AFAP1L2: variants seen among roughly 807,000 people sequenced by gnomAD.
The protein encoded by AFAP1L2 is actin filament-associated protein 1-like 2.
Under a neutral mutation model 99.3 loss-of-function variants are expected in AFAP1L2, and 46 were observed. The ratio of observed to expected loss-of-function variants is 0.46; its 90% CI spans 0.37 to 0.59. The LOEUF is 0.59. Ranked by LOEUF, AFAP1L2 falls within the 20% of genes least tolerant of loss-of-function variation. AFAP1L2 has a pLI of 0.00. For missense variants in AFAP1L2, 959 were observed against 1,034.9 expected (o/e 0.93, Z 1.01); for synonymous variants, 397 against 419.1 (o/e 0.95, Z 0.64).
At chr10:114,364,411 C>T (rs116033368) in intron 1 of AFAP1L2, among the ~76,000 whole-genome samples, 1,606 of 152,268 alleles carry the variant, frequency 0.011, 28 homozygotes, top group African/African-American at 0.036. Context: ...TGGGGAAGAA[C>T]CTTACTTGGC....
chr10:114,384,851 C>A (rs1176476133), intron 1 of AFAP1L2, among the ~76,000 whole-genome samples: 1 of 152,236 alleles, frequency 6.6e-6, no homozygotes, highest in African/African-American at 2.4e-5. Context: ...CCAAAGGCTC[C>A]AGGCCTGGTT....
chr10:114,327,137 T>TTATATA (rs1554902677), intron 4 of AFAP1L2, among the ~76,000 whole-genome samples: 1 of 39,948 alleles, frequency 2.5e-5, no homozygotes, highest in Non-Finnish European at 6.4e-5. Context: ...ACCGTGAATT[T>TTATATA]TATATATATT....
intron 1 of AFAP1L2, among the ~76,000 whole-genome samples, chr10:114,390,489 G>A (rs185553467): frequency 2.0e-5 from 3 of 152,274 alleles, no homozygotes; most frequent in East Asian, 3.9e-4. Flanking sequence ...TTGGGAGGCT[G>A]AGGCGGGCAG....
At chr10:114,289,513 C>T in the AFAP1L2 span, 21 of 1,611,710 alleles carry the variant, frequency 1.3e-5, no homozygotes, top group Non-Finnish European at 1.8e-5. Flanking sequence ...TCCACACCCT[C>T]AGGGCTGCCC....
chr10:114,345,789 G>T (rs1024731135), intron 1 of AFAP1L2, among the ~76,000 whole-genome samples: 1 of 152,274 alleles, frequency 6.6e-6, no homozygotes, highest in East Asian at 1.9e-4. Flanking sequence ...GGCAAAGGGT[G>T]TGGGGATGAA....
chr10:114,342,389 T>C (rs1018160656), intron 1 of AFAP1L2, among the ~76,000 whole-genome samples: 3 of 152,210 alleles, frequency 2.0e-5, no homozygotes, highest in Admixed American at 6.5e-5. Context: ...AACAGATCCA[T>C]GTTACCAGCA....
upstream of AFAP1L2, chr10:114,404,526 G>C (rs2058548733): frequency 1.3e-6 from 2 of 1,495,028 alleles, no homozygotes; most frequent in Admixed American, 4.3e-5. Flanking sequence ...TCAGCGCCCA[G>C]GCCGCCGCGC....
At chr10:114,330,356 C>T (rs1163024580) in intron 4 of AFAP1L2, among the ~76,000 whole-genome samples, 2 of 152,340 alleles carry the variant, frequency 1.3e-5, no homozygotes, top group South Asian at 2.1e-4. Context: ...TGGCTACCCA[C>T]ATAAACCCTC....
intron 1 of AFAP1L2, among the ~76,000 whole-genome samples, chr10:114,347,519 A>C (rs1251782315): frequency 6.6e-6 from 1 of 152,072 alleles, no homozygotes; most frequent in Non-Finnish European, 1.5e-5. Context: ...TCTGTCATCC[A>C]GGCTGGAGTG....
chr10:114,382,993 C>A (rs1231065354), intron 1 of AFAP1L2, among the ~76,000 whole-genome samples: 1 of 152,130 alleles, frequency 6.6e-6, no homozygotes, highest in Non-Finnish European at 1.5e-5. Context: ...CCCAAATACC[C>A]TGACTGGATC....
intron 1 of AFAP1L2, among the ~76,000 whole-genome samples, chr10:114,387,421 G>A (rs753220251): frequency 3.9e-5 from 6 of 152,142 alleles, no homozygotes; most frequent in Non-Finnish European, 7.3e-5. Context: ...GCCCCACATA[G>A]AACCTAATGG....
intron 1 of AFAP1L2, among the ~76,000 whole-genome samples, chr10:114,361,655 A>G (rs1424717748): frequency 6.6e-6 from 1 of 152,188 alleles, no homozygotes; most frequent in Non-Finnish European, 1.5e-5. Flanking sequence ...GTCACATCCT[A>G]TAGTGGAGCC....
At chr10:114,350,752 G>A (rs1436300397) in intron 1 of AFAP1L2, among the ~76,000 whole-genome samples, 1 of 152,182 alleles carries the variant, frequency 6.6e-6, no homozygotes. Flanking sequence ...GGGCATGGAG[G>A]TGGCTTGCTC....
intron 1 of AFAP1L2, among the ~76,000 whole-genome samples, chr10:114,341,630 A>G (rs1262502368): frequency 6.7e-6 from 1 of 150,256 alleles, no homozygotes; most frequent in Non-Finnish European, 1.5e-5. Context: ...AAAAGAAAAG[A>G]AAAGAAAAGA....
chr10:114,369,511 C>T (rs1433847883), intron 1 of AFAP1L2, among the ~76,000 whole-genome samples: 1 of 146,756 alleles, frequency 6.8e-6, no homozygotes, highest in Non-Finnish European at 1.5e-5. Context: ...AGGAGAATGG[C>T]GTGAACCCGG....
intron 1 of AFAP1L2, among the ~76,000 whole-genome samples, chr10:114,395,189 G>C (rs1200048420): frequency 1.3e-5 from 2 of 152,184 alleles, no homozygotes; most frequent in African/African-American, 2.4e-5. Context: ...GTTAACTGTA[G>C]TACCTAATGT....
chr10:114,322,805 C>T (rs532349315), intron 5 of AFAP1L2, among the ~76,000 whole-genome samples: 1 of 152,368 alleles, frequency 6.6e-6, no homozygotes, highest in African/African-American at 2.4e-5. Context: ...CATTGCTGAC[C>T]AGGGCCTTGG....
At chr10:114,351,551 C>A (rs758762563) in intron 1 of AFAP1L2, among the ~76,000 whole-genome samples, 77 of 152,208 alleles carry the variant, frequency 5.1e-4, no homozygotes, top group Non-Finnish European at 7.6e-4. Context: ...AAGTGACCAC[C>A]ACTCTGAGGT....
At chr10:114,301,252 T>A in intron 13 of AFAP1L2, 102 bp downstream of exon 13, 1 of 961,080 alleles carries the variant, frequency 1.0e-6, no homozygotes, top group Non-Finnish European at 1.6e-6. Flanking sequence ...AACCCACTCA[T>A]CTCATCTCAG....
Sources: gnomAD v4.1 joint callset for allele counts (sites outside exome capture counted in the v4.1 genomes callset) on GRCh38, gnomAD v4.1.1 for gene constraint, MANE v1.5 for transcripts, NCBI Gene and HGNC (gene_info 2026-07-23, HGNC 2026-07-21) for gene names.